Variants in GKAP1 observed in about 807,000 individuals in gnomAD.
GKAP1 encodes the protein G kinase-anchoring protein 1.
Under a neutral mutation model 56.7 loss-of-function variants are expected in GKAP1, and 31 were observed. The ratio of observed to expected loss-of-function variants is 0.55; its 90% CI spans 0.41 to 0.74. GKAP1 has a LOEUF of 0.74. Ranked by LOEUF, GKAP1 falls within the 30% of genes least tolerant of loss-of-function variation. GKAP1 has a pLI of 0.00. For synonymous variants in GKAP1, 151 were observed against 138.6 expected, an observed-to-expected ratio of 1.09 and a Z score of -0.63; for missense variants, 364 against 402.3, an observed-to-expected ratio of 0.90 and a Z score of 0.82.
At chr9:83,754,102 A>G (rs1943436756) in intron 8 of GKAP1, among the ~76,000 whole-genome samples, 2 of 152,334 alleles carry the variant, frequency 1.3e-5, no homozygotes, top group South Asian at 4.1e-4. Context: ...CATGGAACCT[A>G]GGTTGACAGA....
chr9:83,788,608 T>A lies in GKAP1; in HGVS notation c.431A>T (p.His144Leu), dbSNP rs745913937. 1.9e-6 allele frequency: 3 copies of A among 1,564,732 alleles called. No individual in the cohort carries two copies. The highest frequency in any genetic ancestry group is 1.8e-6 in the Non-Finnish European group (2 of 1,141,852). Residue 144 changes from histidine (H) to leucine (L), a missense_variant, in exon 5 of 13, where the codon CAC (histidine) becomes CTC (leucine). Transcript: ENST00000376371. Reference protein sequence around the residue: ...LLLSKLEYEEHKKEYEDAENT... With the variant: ...LLLSKLEYEELKKEYEDAENT... ...CAGTAAGTATGTAAATACCTTTTTG[T>A]GCTCTTCATATTCTAGTTTACTTAG...
chr9:83,786,444 G>A (rs1483361177), intron 5 of GKAP1, among the ~76,000 whole-genome samples: 1 of 151,994 alleles, frequency 6.6e-6, no homozygotes. Context: ...GGGAGGCTGA[G>A]GCAGGAGAAT....
chr9:83,806,609 A>G, intron 2 of GKAP1, 49 bp from the exon 3 acceptor site: 1 of 1,036,462 alleles, frequency 9.6e-7, no homozygotes, highest in Non-Finnish European at 1.4e-6. Context: ...ACAGAGTAAA[A>G]TCTGTTGTAG....
chr9:83,813,746 T>C (rs1376019784), intron 2 of GKAP1, among the ~76,000 whole-genome samples: 1 of 152,194 alleles, frequency 6.6e-6, no homozygotes, highest in Non-Finnish European at 1.5e-5. Flanking sequence ...AATAAATATA[T>C]CTTCTACTAT....
chr9:83,780,449 T>C, intron 6 of GKAP1, 45 bp from the exon 7 acceptor site: 2 of 586,374 alleles, frequency 3.4e-6, no homozygotes, highest in Non-Finnish European at 5.5e-6. Flanking sequence ...TTGAAGGAAT[T>C]TAACATACAA....
chr9:83,796,123 G>C (rs990394617), intron 4 of GKAP1, among the ~76,000 whole-genome samples: 13 of 151,418 alleles, frequency 8.6e-5, no homozygotes, highest in African/African-American at 3.2e-4. Flanking sequence ...TTAGAGCTAG[G>C]GTCTCACTAT....
intron 4 of GKAP1, 88 bp downstream of exon 4, chr9:83,799,097 C>G: frequency 9.1e-7 from 1 of 1,095,960 alleles, no homozygotes; most frequent in Non-Finnish European, 1.4e-6. Context: ...CTTCTCAGAA[C>G]AGTGGTGACG....
intron 8 of GKAP1, among the ~76,000 whole-genome samples, chr9:83,762,470 A>T (rs899711595): frequency 2.0e-5 from 3 of 152,200 alleles, no homozygotes; most frequent in African/African-American, 7.2e-5. Flanking sequence ...TAAAATGTCG[A>T]TACCACCCAA....
At chr9:83,800,325 C>T (rs1392687063) in intron 3 of GKAP1, among the ~76,000 whole-genome samples, 5 of 150,324 alleles carry the variant, frequency 3.3e-5, no homozygotes, top group Admixed American at 1.3e-4. Flanking sequence ...AAAGCTGCCT[C>T]CTTACGTTTT....
At chr9:83,798,138 G>C (rs1944276916) in intron 4 of GKAP1, among the ~76,000 whole-genome samples, 1 of 152,104 alleles carries the variant, frequency 6.6e-6, no homozygotes, top group African/African-American at 2.4e-5. Flanking sequence ...TATGTTAAGA[G>C]AATAACTCAG....
chr9:83,768,880 G>T lies in GKAP1; in HGVS notation c.676C>A (p.Arg226=). 1 of 1,611,706 alleles carries T rather than the reference G, an allele frequency of 6.2e-7. No homozygotes were observed. Among genetic ancestry groups the T allele is most frequent in the Non-Finnish European group, 8.5e-7 (1 of 1,178,868 alleles). Residue 226 remains arginine, a synonymous_variant, in exon 8 of 13, where the codon CGA becomes AGA. Coordinates refer to ENST00000376371, the MANE Select transcript of GKAP1 (RefSeq NM_025211.4). ...DVHKILIREK[R]REQLTEYNGT... is the part of the protein sequence containing the mutation. Reference sequence around the variant, plus strand: ...TTATATTCTGTAAGCTGTTCTCTTCGTTTTTCTCTAATAAGAATTTTATGA... The same window carrying T: ...TTATATTCTGTAAGCTGTTCTCTTCTTTTTTCTCTAATAAGAATTTTATGA...
intron 7 of GKAP1, among the ~76,000 whole-genome samples, chr9:83,774,647 G>A (rs2131276058): frequency 7.1e-6 from 1 of 140,658 alleles, no homozygotes; most frequent in Admixed American, 7.3e-5. Flanking sequence ...ACGGGACCTA[G>A]TTAAACTGAA....
At chr9:83,780,555 T>A (rs1435927027) in intron 6 of GKAP1, 151 bp from the exon 7 acceptor site, 5 of 496,532 alleles carry the variant, frequency 1.0e-5, no homozygotes, top group Non-Finnish European at 1.8e-5. Context: ...AGGATTCTCA[T>A]CTGATTTACT....
intron 6 of GKAP1, 65 bp downstream of exon 6, chr9:83,784,650 A>T: frequency 1.8e-6 from 2 of 1,111,054 alleles, no homozygotes; most frequent in Non-Finnish European, 2.5e-6. Flanking sequence ...AAAGACATTT[A>T]CAACTGAAGT....
At chr9:83,770,656 G>A (rs936697352) in intron 7 of GKAP1, among the ~76,000 whole-genome samples, 1 of 151,860 alleles carries the variant, frequency 6.6e-6, no homozygotes, top group African/African-American at 2.4e-5. Flanking sequence ...TCCCAGGCCA[G>A]GTTCAAGCAA....
Position 83,784,831 on chromosome 9 carries a change from T to G in GKAP1, c.446A>C (p.Glu149Ala). The change falls in exon 6 of 13, where the codon GAA (glutamate) becomes GCA (alanine). Residue 149 changes from glutamate (E) to alanine (A), a missense_variant. Coordinates refer to ENST00000376371, the MANE Select transcript of GKAP1 (RefSeq NM_025211.4). ...CTGAGTTGAAGTATTTTCAGCATCTTCATACTCCTAAAAAGAATTACCAAC... is the reference window on the plus strand; with the variant it reads ...CTGAGTTGAAGTATTTTCAGCATCTGCATACTCCTAAAAAGAATTACCAAC... Reference protein sequence around the residue: ...LEYEEHKKEYEDAENTSTQSK... With the variant: ...LEYEEHKKEYADAENTSTQSK... 1 of 1,569,862 alleles carries G rather than the reference T, an allele frequency of 6.4e-7. No individual in the cohort carries two copies. The highest frequency in any genetic ancestry group is 1.2e-5 in the South Asian group (1 of 84,556).
chr9:83,783,757 A>G (rs1317078897), intron 6 of GKAP1, among the ~76,000 whole-genome samples: 1 of 152,228 alleles, frequency 6.6e-6, no homozygotes, highest in Non-Finnish European at 1.5e-5. Flanking sequence ...CAGTTTATGT[A>G]TAAGGAAAAA....
intron 3 of GKAP1, among the ~76,000 whole-genome samples, chr9:83,802,674 A>C (rs1388017345): frequency 6.6e-6 from 1 of 151,700 alleles, no homozygotes; most frequent in Non-Finnish European, 1.5e-5. Flanking sequence ...ACAAAAAAAC[A>C]AAATTAGCTG....
At chr9:83,739,767 G>C (rs1312353510) in intron 12 of GKAP1, 23 bp from the exon 13 acceptor site, 1 of 1,510,030 alleles carries the variant, frequency 6.6e-7, no homozygotes, top group Admixed American at 1.7e-5. Flanking sequence ...AAAAAAATAG[G>C]GAAAATTATT....
Sources: gnomAD v4.1 joint callset for allele counts (sites outside exome capture counted in the v4.1 genomes callset) on GRCh38, gnomAD v4.1.1 for gene constraint, MANE v1.5 for transcripts, NCBI Gene and HGNC (gene_info 2026-07-23, HGNC 2026-07-21) for gene names.